Variants in LRRC3B observed in about 807,000 individuals in gnomAD.
The protein encoded by LRRC3B is leucine-rich repeat-containing protein 3B.
LRRC3B carries 2 observed loss-of-function variants against 12.8 expected under a neutral mutation model. The observed-to-expected ratio is 0.16, with a 90% CI of 0.06 to 0.49. The LOEUF (loss-of-function observed/expected upper bound fraction) is 0.49, where lower values mean the gene tolerates loss of function less well. LRRC3B is among the 20% of genes least tolerant of loss of function. The pLI, the probability that LRRC3B is intolerant of heterozygous loss-of-function variation, is 0.96. For missense variants in LRRC3B, 189 were observed against 319.4 expected, an observed-to-expected ratio of 0.59 and a Z score of 3.11; for synonymous variants, 132 against 122.0, an observed-to-expected ratio of 1.08 and a Z score of -0.54.
chr3:26,675,896 T>G (rs568770533), intron 1 of LRRC3B, among the ~76,000 whole-genome samples: 1 of 152,206 alleles, frequency 6.6e-6, no homozygotes, highest in East Asian at 1.9e-4. Flanking sequence ...TGGTGGTAGT[T>G]GGTAAAATAA....
intron 1 of LRRC3B, among the ~76,000 whole-genome samples, chr3:26,666,310 C>A (rs140136887): frequency 5.9e-4 from 90 of 152,042 alleles, no homozygotes; most frequent in African/African-American, 2.0e-3. Context: ...TGGCTGCCTT[C>A]AAATTTATGA....
intron 1 of LRRC3B, among the ~76,000 whole-genome samples, chr3:26,686,549 G>T (rs544655356): frequency 6.6e-6 from 1 of 152,052 alleles, no homozygotes; most frequent in Non-Finnish European, 1.5e-5. Context: ...TCTTTGATGT[G>T]TTACATAACT....
At chr3:26,627,186 T>C (rs1698646635) in intron 1 of LRRC3B, among the ~76,000 whole-genome samples, 1 of 152,204 alleles carries the variant, frequency 6.6e-6, no homozygotes, top group Admixed American at 6.5e-5. Flanking sequence ...TTAAGCGTTT[T>C]TGTGGGACAA....
At chr3:26,710,464 A>G in exon 2 of LRRC3B, 1 of 1,546,694 alleles carries the variant, frequency 6.5e-7, no homozygotes, top group Non-Finnish European at 8.7e-7. Flanking sequence ...GTCCAAACTG[A>G]CTGTCATTGA....
At chr3:26,633,306 A>C (rs1698799380) in intron 1 of LRRC3B, among the ~76,000 whole-genome samples, 1 of 152,188 alleles carries the variant, frequency 6.6e-6, no homozygotes. Flanking sequence ...AATTTTTCTA[A>C]CCTTTAGTAT....
At chr3:26,657,084 A>T (rs778266893) in intron 1 of LRRC3B, among the ~76,000 whole-genome samples, 1 of 152,220 alleles carries the variant, frequency 6.6e-6, no homozygotes, top group Non-Finnish European at 1.5e-5. Context: ...TACAGTTTTT[A>T]AAAATGATTA....
chr3:26,693,709 T>C (rs182043835), intron 1 of LRRC3B, among the ~76,000 whole-genome samples: 2 of 152,352 alleles, frequency 1.3e-5, no homozygotes, highest in East Asian at 3.9e-4. Flanking sequence ...AACTAGTAAC[T>C]ACTAAGAGGC....
chr3:26,639,233 A>G lies in LRRC3B; in HGVS notation c.-161+15996A>G, dbSNP rs1164195662. On this transcript the variant is annotated intron_variant, in intron 1 of 1. Coordinates refer to ENST00000396641, the Ensembl canonical transcript of LRRC3B. ...TTAATTTCAGTAATATACTTAACCC[A>G]GTATATTCAAAATTATCGTTTTGAC... 3.3e-5 allele frequency among the ~76,000 whole-genome samples: 5 copies of G among 152,226 alleles called. No individual in the cohort carries two copies. The South Asian group carries it at 1.0e-3, about 31-fold the overall frequency.
intron 1 of LRRC3B, among the ~76,000 whole-genome samples, chr3:26,626,590 G>A (rs1698631060): frequency 6.6e-6 from 1 of 152,018 alleles, no homozygotes; most frequent in Admixed American, 6.5e-5. Context: ...GCTCACTCCT[G>A]CTGTTTTTTT....
chr3:26,686,575 C>A (rs1700093192), intron 1 of LRRC3B, among the ~76,000 whole-genome samples: 1 of 151,948 alleles, frequency 6.6e-6, no homozygotes, highest in Non-Finnish European at 1.5e-5. Context: ...GAGTATATAC[C>A]AACCTCATTG....
At chr3:26,672,417 C>T (rs942506561) in intron 1 of LRRC3B, among the ~76,000 whole-genome samples, 1 of 152,132 alleles carries the variant, frequency 6.6e-6, no homozygotes, top group Admixed American at 6.5e-5. Flanking sequence ...AATATCTCCT[C>T]ATAATTTCAT....
At chr3:26,707,560 G>A (rs1700630117) in intron 1 of LRRC3B, among the ~76,000 whole-genome samples, 1 of 152,118 alleles carries the variant, frequency 6.6e-6, no homozygotes, top group Non-Finnish European at 1.5e-5. Flanking sequence ...GAAATATGAA[G>A]TGTCCTCCAG....
chr3:26,697,776 ACT>A (rs1328559844), intron 1 of LRRC3B, among the ~76,000 whole-genome samples: 2 of 152,022 alleles, frequency 1.3e-5, no homozygotes, highest in Non-Finnish European at 2.9e-5. Flanking sequence ...ATGTGCAAAG[ACT>A]CTAGGTATAA....
intron 1 of LRRC3B, among the ~76,000 whole-genome samples, chr3:26,636,992 CTT>C: frequency 6.9e-6 from 1 of 144,354 alleles, no homozygotes; most frequent in East Asian, 2.1e-4. Context: ...CTCTTTCTCT[CTT>C]TCTCTCTTTC....
At chr3:26,636,453 C>T (rs889434160) in intron 1 of LRRC3B, among the ~76,000 whole-genome samples, 4 of 152,138 alleles carry the variant, frequency 2.6e-5, no homozygotes, top group Non-Finnish European at 5.9e-5. Context: ...CCTCAAGATG[C>T]TATTCATCTT....
At chr3:26,709,492 A>G (rs1700694673) in intron 1 of LRRC3B, 21 bp from the exon 2 acceptor site, 2 of 628,588 alleles carry the variant, frequency 3.2e-6, no homozygotes, top group African/African-American at 3.7e-5. Context: ...AACTAATTGC[A>G]TCTGTTTCTC....
chr3:26,633,666 A>G (rs747764244), intron 1 of LRRC3B, among the ~76,000 whole-genome samples: 1 of 152,166 alleles, frequency 6.6e-6, no homozygotes, highest in African/African-American at 2.4e-5. Context: ...CACAAAATTG[A>G]TAAGACAGAT....
At chr3:26,699,863 T>C (rs1175163803) in intron 1 of LRRC3B, among the ~76,000 whole-genome samples, 3 of 152,132 alleles carry the variant, frequency 2.0e-5, no homozygotes, top group Non-Finnish European at 4.4e-5. Context: ...GCATAATAAA[T>C]ATGGATGTAG....
chr3:26,653,281 G>A (rs1461241592), intron 1 of LRRC3B, among the ~76,000 whole-genome samples: 1 of 152,174 alleles, frequency 6.6e-6, no homozygotes, highest in Non-Finnish European at 1.5e-5. Flanking sequence ...TTGACATTCA[G>A]TTCAGCTGGT....
Sources: gnomAD v4.1 joint callset for allele counts (sites outside exome capture counted in the v4.1 genomes callset) on GRCh38, gnomAD v4.1.1 for gene constraint, MANE v1.5 for transcripts, NCBI Gene and HGNC (gene_info 2026-07-23, HGNC 2026-07-21) for gene names.